Variants in CYP2C19 observed in about 807,000 individuals in gnomAD.
CYP2C19 encodes cytochrome P450 2C19.
A neutral mutation model predicts 40.9 loss-of-function variants in CYP2C19; 59 were observed. That is an observed-to-expected ratio of 1.44 (90% CI 1.17 to 1.79). The LOEUF is 1.79. CYP2C19 is among the 40% of genes most tolerant of loss of function. CYP2C19 has a pLI of 0.00. For synonymous variants in CYP2C19, 253 were observed against 208.7 expected, an observed-to-expected ratio of 1.21 and a Z score of -1.83; for missense variants, 754 against 596.9, an observed-to-expected ratio of 1.26 and a Z score of -2.74.
At chr10:94,763,707 G>A (rs755764379) in intron 1 of CYP2C19, among the ~76,000 whole-genome samples, 6 of 151,794 alleles carry the variant, frequency 4.0e-5, no homozygotes, top group Non-Finnish European at 7.4e-5. Context: ...AGATTGGTGG[G>A]GCTAGTTAAG....
At chr10:94,778,404 C>T (rs1405467723) in intron 3 of CYP2C19, among the ~76,000 whole-genome samples, 2 of 152,128 alleles carry the variant, frequency 1.3e-5, no homozygotes, top group Non-Finnish European at 2.9e-5. Flanking sequence ...CCTATACTTT[C>T]TCCCACCACT....
chr10:94,828,798 G>A (rs1849275479), intron 6 of CYP2C19, among the ~76,000 whole-genome samples: 1 of 152,114 alleles, frequency 6.6e-6, no homozygotes, highest in African/African-American at 2.4e-5. Flanking sequence ...GCAGCGGCTG[G>A]TACCGGTTGT....
chr10:94,766,304 T>TTGTG (rs61477128), intron 1 of CYP2C19, among the ~76,000 whole-genome samples: 2 of 151,278 alleles, frequency 1.3e-5, no homozygotes, highest in South Asian at 4.2e-4. Flanking sequence ...GGAGGGGTGA[T>TTGTG]TGAGGTATCC....
At chr10:94,818,971 T>C (rs1396444980) in intron 5 of CYP2C19, among the ~76,000 whole-genome samples, 15 of 151,570 alleles carry the variant, frequency 9.9e-5, no homozygotes, top group Non-Finnish European at 1.5e-4. Context: ...TATTCCAAAA[T>C]TGACCACATA....
chr10:94,788,041 G>A (rs1183410340), intron 5 of CYP2C19, among the ~76,000 whole-genome samples: 1 of 151,940 alleles, frequency 6.6e-6, no homozygotes, highest in South Asian at 2.1e-4. Context: ...CTATGATTTT[G>A]TTCAACAGTG....
chr10:94,845,815 A>G (rs1360531217), intron 7 of CYP2C19, among the ~76,000 whole-genome samples: 3 of 152,108 alleles, frequency 2.0e-5, no homozygotes, highest in Non-Finnish European at 4.4e-5. Flanking sequence ...GACTATTTAT[A>G]TGAAAACTTA....
chr10:94,796,032 G>A (rs1375189717), intron 5 of CYP2C19, among the ~76,000 whole-genome samples: 2 of 152,124 alleles, frequency 1.3e-5, no homozygotes, highest in Non-Finnish European at 2.9e-5. Flanking sequence ...TTTGGCTTTT[G>A]TTGCCATTGC....
chr10:94,785,943 T>C (rs1176475619), intron 5 of CYP2C19, among the ~76,000 whole-genome samples: 1 of 152,060 alleles, frequency 6.6e-6, no homozygotes, highest in African/African-American at 2.4e-5. Context: ...CCCTGCCCAC[T>C]ATGTAAATGC....
chr10:94,836,976 G>A (rs1849414659), intron 6 of CYP2C19, among the ~76,000 whole-genome samples: 1 of 152,194 alleles, frequency 6.6e-6, no homozygotes, highest in Admixed American at 6.5e-5. Flanking sequence ...GTCCAGGTGA[G>A]TTGAGATGTT....
Position 94,775,461 on chromosome 10 carries a change from G to C in CYP2C19, c.403G>C (p.Gly135Arg). 1 of 1,614,042 alleles carries C rather than the reference G, an allele frequency of 6.2e-7. No homozygotes were observed. Among genetic ancestry groups the C allele is most frequent in the Non-Finnish European group, 8.5e-7 (1 of 1,179,982 alleles). ...RFSLMTLRNFGMGKRSIEDRV... is the reference protein window; with the variant it reads ...RFSLMTLRNFRMGKRSIEDRV... ...CTCCCTCATGACGCTGCGGAATTTTGGGATGGGGAAGAGGAGCATTGAGGA... is the reference window on the plus strand; with the variant it reads ...CTCCCTCATGACGCTGCGGAATTTTCGGATGGGGAAGAGGAGCATTGAGGA... Residue 135 changes from glycine (G) to arginine (R), a missense_variant, in exon 3 of 9, where the codon GGG becomes CGG. Gly to Arg is a moderately radical substitution (Grantham distance 125, BLOSUM62 -2). Coordinates refer to ENST00000371321, the MANE Select transcript of CYP2C19 (RefSeq NM_000769.4).
chr10:94,824,635 C>T (rs937423455), intron 6 of CYP2C19, among the ~76,000 whole-genome samples: 2 of 151,962 alleles, frequency 1.3e-5, no homozygotes, highest in Non-Finnish European at 2.9e-5. Context: ...TAAATTTATG[C>T]TTACTTTATG....
chr10:94,840,117 G>C lies in CYP2C19; in HGVS notation c.962-2720G>C, dbSNP rs185036125. Among the ~76,000 whole-genome samples, 4 of 152,134 alleles carry C rather than the reference G, an allele frequency of 2.6e-5. No homozygotes were observed. In the East Asian group the frequency reaches 7.7e-4, roughly 29 times the overall value. On this transcript the variant is annotated intron_variant, in intron 6 of 8. Coordinates refer to ENST00000371321, the MANE Select transcript of CYP2C19 (RefSeq NM_000769.4). Reference sequence around the variant, plus strand: ...CCGACTGAATGCATTTGGCCCATCCGCGGGTTACTGGGTTAAGGATTTAAT... The same window carrying C: ...CCGACTGAATGCATTTGGCCCATCCCCGGGTTACTGGGTTAAGGATTTAAT...
chr10:94,792,829 G>T (rs900700538), intron 5 of CYP2C19, among the ~76,000 whole-genome samples: 1 of 152,198 alleles, frequency 6.6e-6, no homozygotes. Flanking sequence ...ACAATTATGT[G>T]TCATGGGGTT....
Position 94,825,800 on chromosome 10 carries a change from T to A in CYP2C19, c.961+5163T>A, listed in dbSNP as rs1188164404. On this transcript the variant is annotated intron_variant, in intron 6 of 8. Coordinates refer to ENST00000371321, the MANE Select transcript of CYP2C19 (RefSeq NM_000769.4). ...GTTTTTATGGTTTTAGGTCTAACGTTTAAGTCTTTAATCCATCTTGAATTG... is the reference window on the plus strand; with the variant it reads ...GTTTTTATGGTTTTAGGTCTAACGTATAAGTCTTTAATCCATCTTGAATTG... Among the ~76,000 whole-genome samples, 5 of 138,400 alleles carry A rather than the reference T, an allele frequency of 3.6e-5. No individual in the cohort carries two copies. In the Admixed American group the frequency reaches 3.8e-4, roughly 10 times the overall value. 90.8% of individuals were successfully genotyped at this position (138,400 alleles called of 152,430 possible).
chr10:94,843,302 T>G (rs1459323662), intron 7 of CYP2C19, among the ~76,000 whole-genome samples: 2 of 152,252 alleles, frequency 1.3e-5, no homozygotes, highest in African/African-American at 4.8e-5. Context: ...AGGTGTTAAT[T>G]TTTCAATTTC....
chr10:94,835,693 C>T (rs1849391969), intron 6 of CYP2C19, among the ~76,000 whole-genome samples: 1 of 152,054 alleles, frequency 6.6e-6, no homozygotes, highest in Non-Finnish European at 1.5e-5. Flanking sequence ...ATAGATGTTC[C>T]CTCGGAAGTT....
At chr10:94,791,432 T>C (rs1848604137) in intron 5 of CYP2C19, among the ~76,000 whole-genome samples, 1 of 152,160 alleles carries the variant, frequency 6.6e-6, no homozygotes, top group South Asian at 2.1e-4. Flanking sequence ...TGCTCTTGCT[T>C]CTCTAGTTCT....
chr10:94,853,351 A>G lies in CYP2C19; in HGVS notation c.*437A>G, dbSNP rs1276978359. ...CCAGGAGGCCATGCTGGTTCTCAAA[A>G]CGATAAGGACAGAAAGGACAAAGGT... On this transcript the variant is annotated 3_prime_UTR_variant, in exon 9 of 9. Coordinates refer to ENST00000371321, the MANE Select transcript of CYP2C19 (RefSeq NM_000769.4). 5.0e-6 allele frequency: 2 copies of G among 402,002 alleles called. No individual in the cohort carries two copies. Among genetic ancestry groups the G allele is most frequent in the African/African-American group, 2.2e-5 (1 of 45,452 alleles). The allele number at this position is 402,002 out of a possible 1,614,324, so 24.9% of individuals were successfully genotyped here.
chr10:94,780,932 T>A (rs552419479), intron 4 of CYP2C19, among the ~76,000 whole-genome samples: 1 of 152,290 alleles, frequency 6.6e-6, no homozygotes, highest in African/African-American at 2.4e-5. Flanking sequence ...TATAAAGTAC[T>A]TTGGTGACAG....
Sources: gnomAD v4.1 joint callset for allele counts (sites outside exome capture counted in the v4.1 genomes callset) on GRCh38, gnomAD v4.1.1 for gene constraint, MANE v1.5 for transcripts, NCBI Gene and HGNC (gene_info 2026-07-23, HGNC 2026-07-21) for gene names.